The following RPS6KA5 variants were observed in gnomAD, a reference collection of about 807,000 sequenced individuals.
The protein encoded by RPS6KA5 is ribosomal protein S6 kinase alpha-5.
A neutral mutation model predicts 85.5 loss-of-function variants in RPS6KA5; 27 were observed. The ratio of observed to expected loss-of-function variants is 0.32; its 90% CI spans 0.23 to 0.44. RPS6KA5 has a LOEUF of 0.44. Ranked by LOEUF, RPS6KA5 falls within the 20% of genes least tolerant of loss-of-function variation. The probability of loss-of-function intolerance (pLI) is 1.00; values close to 1 mark genes in which losing one functional copy is unlikely to be tolerated. For missense variants in RPS6KA5, 811 were observed against 980.9 expected, an observed-to-expected ratio of 0.83 and a Z score of 2.31; for synonymous variants, 334 against 348.2, an observed-to-expected ratio of 0.96 and a Z score of 0.46.
intron 8 of RPS6KA5, among the ~76,000 whole-genome samples, chr14:90,905,534 GT>G (rs894975712): frequency 6.6e-5 from 10 of 151,764 alleles, no homozygotes; most frequent in African/African-American, 2.2e-4. Context: ...ATATTTTGGT[GT>G]TTTTTTTGTA....
At chr14:90,890,385 G>A (rs1301411125) in intron 14 of RPS6KA5, 102 bp downstream of exon 14, 1 of 1,018,842 alleles carries the variant, frequency 9.8e-7, no homozygotes, top group African/African-American at 1.6e-5. Flanking sequence ...AAACCACTTT[G>A]CCAATTTTTT....
In RPS6KA5 at chr14:91,051,611, C is replaced by A. The variant is rs1056480635; in HGVS notation, c.103+8721G>T. On this transcript the variant is annotated intron_variant, in intron 1 of 16. Transcript: ENST00000614987. Reference sequence around the variant, plus strand: ...TCAAGCAATTCTCCTGCCTCAGCTTCCAAGTAGCTGGGATTACAGGTGCCC... The same window carrying A: ...TCAAGCAATTCTCCTGCCTCAGCTTACAAGTAGCTGGGATTACAGGTGCCC... Among the ~76,000 whole-genome samples the A allele has an allele frequency of 7.0e-5, 9 of 128,106 alleles. No homozygotes were observed. In the East Asian group the frequency reaches 7.5e-4, roughly 11 times the overall value. The allele number at this position is 128,106 out of a possible 152,430, so 84.0% of individuals were successfully genotyped here. A position where few individuals can be genotyped will look rare whatever the true frequency, so the allele number is the denominator to read the frequency against.
At chr14:90,959,106 G>C (rs2038669905) in intron 3 of RPS6KA5, among the ~76,000 whole-genome samples, 1 of 152,160 alleles carries the variant, frequency 6.6e-6, no homozygotes, top group Admixed American at 6.5e-5. Flanking sequence ...GTGAATGAGG[G>C]AGAAGCAGTA....
At chr14:90,954,824 G>C (rs1451332054) in intron 3 of RPS6KA5, among the ~76,000 whole-genome samples, 1 of 152,084 alleles carries the variant, frequency 6.6e-6, no homozygotes, top group Non-Finnish European at 1.5e-5. Flanking sequence ...GTCTTTCCTG[G>C]AATGTCTTTA....
intron 3 of RPS6KA5, among the ~76,000 whole-genome samples, chr14:90,964,123 G>C (rs2140429968): frequency 6.6e-6 from 1 of 152,252 alleles, no homozygotes; most frequent in South Asian, 2.1e-4. Flanking sequence ...TCAAAAAATA[G>C]ACATTAGCAC....
At chr14:90,971,184 G>A (rs909803750) in intron 3 of RPS6KA5, among the ~76,000 whole-genome samples, 4 of 152,096 alleles carry the variant, frequency 2.6e-5, no homozygotes, top group African/African-American at 9.7e-5. Flanking sequence ...AGGTGAGGTG[G>A]CACATGCCTG....
intron 16 of RPS6KA5, among the ~76,000 whole-genome samples, chr14:90,873,065 C>A (rs1483017941): frequency 1.4e-5 from 2 of 146,970 alleles, no homozygotes; most frequent in African/African-American, 5.0e-5. Flanking sequence ...TCAAAATAAT[C>A]CCTTTGAAGG....
Position 90,892,825 on chromosome 14 carries a change from G to T in RPS6KA5, c.1644+1588C>A, listed in dbSNP as rs559415750. 3.3e-5 allele frequency among the ~76,000 whole-genome samples: 5 copies of T among 152,288 alleles called. No individual in the cohort carries two copies. The South Asian group carries it at 8.3e-4, about 25-fold the overall frequency. On this transcript the variant is annotated intron_variant, in intron 13 of 16. Coordinates refer to ENST00000614987, the MANE Select transcript of RPS6KA5 (RefSeq NM_004755.4). ...GTGAAAGACATTTTATTATGAAAATGTTAGTTCAAAGGTCTATTTTCATTT... is the reference window on the plus strand; with the variant it reads ...GTGAAAGACATTTTATTATGAAAATTTTAGTTCAAAGGTCTATTTTCATTT...
rs553366296 is a variant in RPS6KA5, at chr14:91,007,342, GA to G, written c.104-6184del. ...CTAATCAACTGGTACACAGGAGTAC[GA>G]CCATATCAGTTATTTGTTTCTGGTG... is the stretch of plus-strand genomic sequence containing the variant. On this transcript the variant is annotated intron_variant, in intron 1 of 16. Coordinates refer to ENST00000614987, the MANE Select transcript of RPS6KA5 (RefSeq NM_004755.4). Among the ~76,000 whole-genome samples the G allele has an allele frequency of 5.9e-5, 9 of 152,252 alleles. No homozygotes were observed. In the South Asian group the frequency reaches 1.9e-3, roughly 32 times the overall value.
intron 1 of RPS6KA5, among the ~76,000 whole-genome samples, chr14:91,029,252 T>C (rs1212011247): frequency 6.6e-6 from 1 of 152,236 alleles, no homozygotes; most frequent in Non-Finnish European, 1.5e-5. Flanking sequence ...TATTATTGTC[T>C]TCCATTTTCT....
At chr14:90,965,388 T>G (rs553322687) in intron 3 of RPS6KA5, among the ~76,000 whole-genome samples, 56 of 152,148 alleles carry the variant, frequency 3.7e-4, no homozygotes, top group African/African-American at 1.3e-3. Flanking sequence ...AAAAAAAAGT[T>G]CTCATATCAA....
chr14:90,882,316 C>G (rs1347907856), intron 14 of RPS6KA5, among the ~76,000 whole-genome samples: 1 of 152,188 alleles, frequency 6.6e-6, no homozygotes, highest in Non-Finnish European at 1.5e-5. Flanking sequence ...AAAACTACAT[C>G]TTTATACACT....
intron 12 of RPS6KA5, among the ~76,000 whole-genome samples, chr14:90,896,293 T>G (rs1284131259): frequency 6.6e-6 from 1 of 152,226 alleles, no homozygotes; most frequent in Non-Finnish European, 1.5e-5. Flanking sequence ...CAACCTGGAT[T>G]TGAAGGTCAG....
intron 5 of RPS6KA5, among the ~76,000 whole-genome samples, chr14:90,924,352 T>C (rs1425355500): frequency 6.6e-6 from 1 of 152,218 alleles, no homozygotes; most frequent in Non-Finnish European, 1.5e-5. Flanking sequence ...ATTGTAACTT[T>C]TGAATTTGTA....
At chr14:90,885,124 G>A (rs1340590122) in intron 14 of RPS6KA5, among the ~76,000 whole-genome samples, 2 of 151,778 alleles carry the variant, frequency 1.3e-5, no homozygotes, top group Non-Finnish European at 2.9e-5. Flanking sequence ...ATGGTGGTGT[G>A]TGCCTGTAAT....
chr14:90,901,061 C>A (rs1244599850), intron 9 of RPS6KA5, among the ~76,000 whole-genome samples: 2 of 152,252 alleles, frequency 1.3e-5, no homozygotes, highest in East Asian at 3.9e-4. Context: ...TGTTTACAAA[C>A]ATAACTAACT....
intron 5 of RPS6KA5, among the ~76,000 whole-genome samples, chr14:90,926,064 A>T (rs1948181583): frequency 6.6e-6 from 1 of 152,172 alleles, no homozygotes. Context: ...GAAGAAAGAC[A>T]GTAAATTAGA....
intron 1 of RPS6KA5, among the ~76,000 whole-genome samples, chr14:91,010,780 A>G (rs2041224218): frequency 2.0e-5 from 3 of 152,226 alleles, no homozygotes; most frequent in African/African-American, 2.4e-5. Context: ...GGAAAATGGA[A>G]TGTAGGAAAG....
chr14:91,058,345 A>T (rs2139982981), intron 1 of RPS6KA5, among the ~76,000 whole-genome samples: 1 of 152,332 alleles, frequency 6.6e-6, no homozygotes, highest in South Asian at 2.1e-4. Flanking sequence ...CAGTTAGAAG[A>T]GAGGGGGAAA....
Sources: gnomAD v4.1 joint callset for allele counts (sites outside exome capture counted in the v4.1 genomes callset) on GRCh38, gnomAD v4.1.1 for gene constraint, MANE v1.5 for transcripts, NCBI Gene and HGNC (gene_info 2026-07-23, HGNC 2026-07-21) for gene names.